The following RARB variants were observed in gnomAD, a reference collection of about 807,000 sequenced individuals.
The protein encoded by RARB is HBV-activated protein.
RARB carries 17 observed loss-of-function variants against 51.9 expected under a neutral mutation model. The ratio of observed to expected loss-of-function variants is 0.33; its 90% CI spans 0.22 to 0.49. The LOEUF (loss-of-function observed/expected upper bound fraction) is 0.49, where lower values mean the gene tolerates loss of function less well. RARB is among the 20% of genes least tolerant of loss of function. The pLI is 0.99. For synonymous variants in RARB, 215 were observed against 195.4 expected, an observed-to-expected ratio of 1.10 and a Z score of -0.84; for missense variants, 369 against 550.8, an observed-to-expected ratio of 0.67 and a Z score of 3.30.
At chr3:25,398,886 A>G (rs938177123) in intron 5 of RARB, among the ~76,000 whole-genome samples, 1 of 152,198 alleles carries the variant, frequency 6.6e-6, no homozygotes, top group African/African-American at 2.4e-5. Context: ...AAATGTTATA[A>G]ATTCATATAC....
At chr3:25,414,251 T>C (rs185541043) in intron 5 of RARB, among the ~76,000 whole-genome samples, 1 of 152,270 alleles carries the variant, frequency 6.6e-6, no homozygotes, top group Non-Finnish European at 1.5e-5. Context: ...GTATCAATAG[T>C]TCATTCCTTT....
intron 2 of RARB, among the ~76,000 whole-genome samples, chr3:25,010,737 A>G (rs2125279768): frequency 6.6e-6 from 1 of 152,234 alleles, no homozygotes; most frequent in South Asian, 2.1e-4. Context: ...CTCAGAGTCA[A>G]ATCCTTCCAG....
chr3:25,275,624 G>A (rs752580062), intron 5 of RARB, among the ~76,000 whole-genome samples: 19 of 152,228 alleles, frequency 1.2e-4, no homozygotes, highest in Non-Finnish European at 1.8e-4. Flanking sequence ...TAGCCGAGAA[G>A]CCCTGTAAGG....
chr3:24,935,076 A>G (rs1351508799), intron 2 of RARB, among the ~76,000 whole-genome samples: 5 of 152,086 alleles, frequency 3.3e-5, no homozygotes. Context: ...AGGGGTGGAT[A>G]TTTTTGAAAG....
At chr3:25,470,879 G>A (rs1695653820) in intron 2 of RARB, among the ~76,000 whole-genome samples, 1 of 152,122 alleles carries the variant, frequency 6.6e-6, no homozygotes. Flanking sequence ...CAGGAGGGCT[G>A]GGCAGGTCTC....
chr3:25,170,370 C>T (rs984413306), intron 4 of RARB, among the ~76,000 whole-genome samples: 4 of 152,088 alleles, frequency 2.6e-5, no homozygotes, highest in African/African-American at 7.2e-5. Flanking sequence ...TTAGCTGCAT[C>T]GGAGTCCTCT....
At chr3:24,887,358 ATTACAGC>A (rs1703285913) in intron 2 of RARB, among the ~76,000 whole-genome samples, 1 of 152,244 alleles carries the variant, frequency 6.6e-6, no homozygotes, top group Non-Finnish European at 1.5e-5. Context: ...AGGCCGATTT[ATTACAGC>A]ATGTCTCATA....
intron 2 of RARB, among the ~76,000 whole-genome samples, chr3:24,870,736 C>G (rs919068164): frequency 6.6e-6 from 1 of 152,014 alleles, no homozygotes; most frequent in Non-Finnish European, 1.5e-5. Context: ...ATTAAGAACT[C>G]TAGTACACTT....
At chr3:25,326,988 C>T (rs560432694) in intron 5 of RARB, among the ~76,000 whole-genome samples, 3 of 152,030 alleles carry the variant, frequency 2.0e-5, no homozygotes, top group African/African-American at 4.8e-5. Context: ...ATCCCTCCCC[C>T]CTCCTCCCAC....
chr3:25,354,180 C>T (rs1367166787), intron 5 of RARB, among the ~76,000 whole-genome samples: 2 of 152,060 alleles, frequency 1.3e-5, no homozygotes, highest in Non-Finnish European at 2.9e-5. Context: ...CTCCAAACTG[C>T]CTGGCGGTAA....
At chr3:25,174,201 TA>T in exon 5 of RARB, 1 of 289,932 alleles carries the variant, frequency 3.4e-6, no homozygotes. Flanking sequence ...ATCCTTCCTG[TA>T]ATCAGTGTAG....
At position 24,917,896 on chromosome 3, in the gene RARB, C is replaced by A. The variant is rs562901190; in HGVS notation, c.-380+59144C>A. On this transcript the variant is annotated intron_variant, in intron 2 of 11. Transcript: ENST00000383772. ...ACTAGAATGATTATAAGTAAAGAGA[C>A]AAAGTAAGTACTGGTGAAGATGTAG... Among the ~76,000 whole-genome samples, 296 of 152,302 alleles carry A rather than the reference C, an allele frequency of 1.9e-3. 2 individuals are homozygous for A. Among genetic ancestry groups the A allele is most frequent in the Admixed American group, 4.8e-3 (74 of 15,298 alleles).
At position 24,967,176 on chromosome 3, in the gene RARB, G is replaced by A. The variant is rs544127443; in HGVS notation, c.-379-92949G>A. On this transcript the variant is annotated intron_variant, in intron 2 of 11. Coordinates refer to the RARB transcript ENST00000383772. ...GGCTTCCATAGTAATGGCCAGAGCT[G>A]CCTTGTGGCTGCCACTTTGACAGGA... is the stretch of plus-strand genomic sequence containing the variant. Among the ~76,000 whole-genome samples the A allele has an allele frequency of 5.3e-5, 8 of 152,212 alleles. No homozygotes were observed. The South Asian group carries it at 1.7e-3, about 32-fold the overall frequency.
intron 2 of RARB, among the ~76,000 whole-genome samples, chr3:24,935,027 A>G (rs1054562908): frequency 2.0e-5 from 3 of 152,166 alleles, no homozygotes; most frequent in African/African-American, 7.2e-5. Flanking sequence ...ATTGGTTTAC[A>G]TCCCTTTTGG....
chr3:25,399,589 A>C (rs1474184310), intron 5 of RARB, among the ~76,000 whole-genome samples: 1 of 152,172 alleles, frequency 6.6e-6, no homozygotes, highest in Non-Finnish European at 1.5e-5. Flanking sequence ...TAATTAAGAG[A>C]GTAGGAAGGT....
chr3:24,957,139 A>G (rs116584177), intron 2 of RARB, among the ~76,000 whole-genome samples: 1,711 of 152,280 alleles, frequency 0.011, 35 homozygotes, highest in African/African-American at 0.039. Context: ...AGCAGACAAC[A>G]TTCCAGCAGG....
intron 3 of RARB, among the ~76,000 whole-genome samples, chr3:25,522,848 G>T (rs996863668): frequency 6.6e-6 from 1 of 152,160 alleles, no homozygotes; most frequent in Non-Finnish European, 1.5e-5. Flanking sequence ...CTTGGCTTAA[G>T]GTTCTGTCCG....
At chr3:25,154,408 A>G (rs962870806) in intron 4 of RARB, among the ~76,000 whole-genome samples, 2 of 152,124 alleles carry the variant, frequency 1.3e-5, no homozygotes, top group Non-Finnish European at 2.9e-5. Flanking sequence ...GTCTTATTCT[A>G]TCTGTGCTAC....
At chr3:24,868,710 T>C (rs969742457) in intron 2 of RARB, among the ~76,000 whole-genome samples, 4 of 152,196 alleles carry the variant, frequency 2.6e-5, no homozygotes, top group African/African-American at 9.6e-5. Context: ...ACCTGGCGAC[T>C]TCACTTGTGT....
Sources: allele counts gnomAD v4.1 joint callset (sites outside exome capture counted in the v4.1 genomes callset), GRCh38; gene constraint gnomAD v4.1.1; transcripts MANE v1.5; gene names NCBI Gene and HGNC (gene_info 2026-07-23, HGNC 2026-07-21).